FNDC3B: variants seen among roughly 807,000 people sequenced by gnomAD.
The protein encoded by FNDC3B is fibronectin type III domain-containing protein 3B.
A neutral mutation model predicts 151.5 loss-of-function variants in FNDC3B; 12 were observed. The observed-to-expected ratio is 0.08, with a 90% CI of 0.05 to 0.13. The LOEUF is 0.13. Among genes scored for constraint, FNDC3B ranks in the 10% least tolerant of loss-of-function variants. The pLI is 1.00. For missense variants in FNDC3B, 1,214 were observed against 1,505.3 expected (o/e 0.81, Z 3.20); for synonymous variants, 528 against 549.0 (o/e 0.96, Z 0.54).
intron 14 of FNDC3B, among the ~76,000 whole-genome samples, chr3:172,333,488 ATTTTT>A (rs748224819): frequency 9.7e-5 from 10 of 102,830 alleles, no homozygotes; most frequent in Middle Eastern, 5.6e-3. Flanking sequence ...TGCCCGGCTA[ATTTTT>A]TTTTTTTTTT....
intron 4 of FNDC3B, among the ~76,000 whole-genome samples, chr3:172,245,537 C>T (rs548177205): frequency 2.0e-5 from 3 of 151,286 alleles, no homozygotes; most frequent in African/African-American, 4.9e-5. Flanking sequence ...TGTGTCAGAT[C>T]GTAGGAAAAA....
intron 12 of FNDC3B, 177 bp downstream of exon 12, chr3:172,329,253 A>G: frequency 1.5e-6 from 1 of 686,046 alleles, no homozygotes; most frequent in Non-Finnish European, 2.4e-6. Flanking sequence ...GGTGAATGTC[A>G]CTATGGCCTC....
chr3:172,271,595 C>T (rs1266766906), intron 6 of FNDC3B, among the ~76,000 whole-genome samples: 3 of 152,198 alleles, frequency 2.0e-5, no homozygotes, highest in Non-Finnish European at 2.9e-5. Context: ...ACTTTTTGAC[C>T]GCTTTTGCCA....
At chr3:172,255,221 A>C (rs560523851) in intron 6 of FNDC3B, among the ~76,000 whole-genome samples, 5 of 152,248 alleles carry the variant, frequency 3.3e-5, no homozygotes, top group African/African-American at 1.2e-4. Flanking sequence ...ATATTTTGAA[A>C]GCTAAACCCT....
At chr3:172,369,218 C>A (rs971288403) in intron 23 of FNDC3B, among the ~76,000 whole-genome samples, 7 of 152,138 alleles carry the variant, frequency 4.6e-5, no homozygotes, top group Admixed American at 2.0e-4. Flanking sequence ...ACAAAAATAA[C>A]AGAATGGAAT....
chr3:172,361,346 A>C, intron 22 of FNDC3B, among the ~76,000 whole-genome samples: 1 of 152,210 alleles, frequency 6.6e-6, no homozygotes, highest in Non-Finnish European at 1.5e-5. Flanking sequence ...ACTTTAAGTC[A>C]TTCCTTTGCT....
At chr3:172,196,728 T>C (rs1399331253) in intron 3 of FNDC3B, among the ~76,000 whole-genome samples, 1 of 152,170 alleles carries the variant, frequency 6.6e-6, no homozygotes, top group Non-Finnish European at 1.5e-5. Flanking sequence ...CCTCAAAGTC[T>C]TGTAATGTTA....
chr3:172,196,763 C>T (rs1331153398), intron 3 of FNDC3B, among the ~76,000 whole-genome samples: 1 of 152,130 alleles, frequency 6.6e-6, no homozygotes, highest in African/African-American at 2.4e-5. Context: ...GATGATGGCA[C>T]CTCACGTTTC....
At chr3:172,050,758 T>A (rs952449626) in intron 1 of FNDC3B, among the ~76,000 whole-genome samples, 4 of 150,404 alleles carry the variant, frequency 2.7e-5, no homozygotes, top group African/African-American at 9.9e-5. Context: ...ATACTATATA[T>A]ACTCTTTATA....
chr3:172,069,505 T>C (rs1027798279), intron 1 of FNDC3B, among the ~76,000 whole-genome samples: 1 of 152,250 alleles, frequency 6.6e-6, no homozygotes, highest in Non-Finnish European at 1.5e-5. Flanking sequence ...CTGGGATACA[T>C]GTACAGAACG....
Position 172,112,667 on chromosome 3 carries a change from G to A in FNDC3B, c.111+77G>A, listed in dbSNP as rs1229144624. ...TAACACAGTATTTGATTTATTTTGG[G>A]ATTCAAAGGTTTGTGATTTCAAACC... is the stretch of plus-strand genomic sequence containing the variant. On this transcript the variant is annotated intron_variant, in intron 2 of 25. Coordinates refer to ENST00000415807, the MANE Select transcript of FNDC3B (RefSeq NM_022763.4). The A allele has an allele frequency of 3.9e-6, 4 of 1,026,270 alleles. No homozygotes were observed. In the African/African-American group the frequency reaches 4.7e-5, roughly 12 times the overall value. The allele number at this position is 1,026,270 out of a possible 1,614,324, so 63.6% of individuals were successfully genotyped here. A position where few individuals can be genotyped will look rare whatever the true frequency, so the allele number is the denominator to read the frequency against.
At chr3:172,058,112 G>A (rs1253904610) in intron 1 of FNDC3B, among the ~76,000 whole-genome samples, 1 of 152,166 alleles carries the variant, frequency 6.6e-6, no homozygotes, top group Admixed American at 6.5e-5. Flanking sequence ...AATTGTGGAC[G>A]TTTTAACCAC....
In FNDC3B at chr3:172,362,619, T is replaced by G; in HGVS notation, c.2796-14T>G. 1 of 1,599,626 alleles carries G rather than the reference T, an allele frequency of 6.3e-7. No individual in the cohort carries two copies. The highest frequency in any genetic ancestry group is 8.6e-7 in the Non-Finnish European group (1 of 1,167,296). On this transcript the variant is annotated splice_polypyrimidine_tract_variant and intron_variant, in intron 22 of 25. Transcript: ENST00000415807. ...TAACCTGCATTGTCTGTATTTTTTT[T>G]TTCCTTTCTCTAGGATCAGAATTCA...
At chr3:172,299,743 C>A (rs370332032) in intron 9 of FNDC3B, among the ~76,000 whole-genome samples, 1 of 151,734 alleles carries the variant, frequency 6.6e-6, no homozygotes, top group East Asian at 1.9e-4. Context: ...TTTGTGATTT[C>A]GGGATGAGGT....
rs71635723 is a variant in FNDC3B at position 172,340,286 on chromosome 3, CTTTTT to C, written c.1853-812_1853-808del. On this transcript the variant is annotated intron_variant, in intron 16 of 25. Transcript: ENST00000415807. The stretch of plus-strand genomic sequence containing the variant: ...TTGTCACCCCCGTAGGCATTTTTGT[CTTTTT>C]TTTTTTTTTTTTTTGAGAGAGTTTC... Among the ~76,000 whole-genome samples, 30 of 125,552 alleles carry C rather than the reference CTTTTT, an allele frequency of 2.4e-4. 1 individual carries two copies. The South Asian group carries it at 2.6e-3, about 11-fold the overall frequency. The allele number at this position is 125,552 out of a possible 152,430, so 82.4% of individuals were successfully genotyped here.
chr3:172,238,397 C>T (rs578147518), intron 4 of FNDC3B, among the ~76,000 whole-genome samples: 2 of 152,282 alleles, frequency 1.3e-5, no homozygotes, highest in South Asian at 2.1e-4. Flanking sequence ...TTCAAGCAGT[C>T]GCCCGCCTTG....
chr3:172,317,568 G>A (rs1042036713), intron 11 of FNDC3B, among the ~76,000 whole-genome samples: 10 of 152,154 alleles, frequency 6.6e-5, no homozygotes, highest in Admixed American at 5.9e-4. Flanking sequence ...CCCCAAGCAG[G>A]TAATTTAACG....
At chr3:172,047,644 T>G (rs1379500752) in intron 1 of FNDC3B, among the ~76,000 whole-genome samples, 1 of 152,186 alleles carries the variant, frequency 6.6e-6, no homozygotes, top group Non-Finnish European at 1.5e-5. Context: ...GAAATAAATA[T>G]TGATTGACTC....
chr3:172,131,023 G>T (rs58706233), intron 2 of FNDC3B, among the ~76,000 whole-genome samples: 7,321 of 152,212 alleles, frequency 0.048, 603 homozygotes, highest in African/African-American at 0.17. Context: ...TTCTTCCATT[G>T]TAGTTTTTAT....
Sources: gnomAD v4.1 joint callset for allele counts (sites outside exome capture counted in the v4.1 genomes callset) on GRCh38, gnomAD v4.1.1 for gene constraint, MANE v1.5 for transcripts, NCBI Gene and HGNC (gene_info 2026-07-23, HGNC 2026-07-21) for gene names.